The following PTPRD variants were observed in gnomAD, a reference collection of about 807,000 sequenced individuals.
PTPRD encodes the protein receptor-type tyrosine-protein phosphatase delta.
PTPRD carries 34 observed loss-of-function variants against 214.5 expected under a neutral mutation model. The ratio of observed to expected loss-of-function variants is 0.16; its 90% confidence interval spans 0.12 to 0.21. PTPRD has a LOEUF of 0.21. Among genes scored for constraint, PTPRD ranks in the 10% least tolerant of loss-of-function variants. The probability of loss-of-function intolerance (pLI) is 1.00; values close to 1 mark genes in which losing one functional copy is unlikely to be tolerated. For missense variants in PTPRD, 2,545 were observed against 2,398.7 expected (o/e 1.06, Z -1.27); for synonymous variants, 1,128 against 845.7 (o/e 1.33, Z -5.79).
At chr9:8,803,834 G>A (rs928940810) in intron 11 of PTPRD, among the ~76,000 whole-genome samples, 2 of 151,690 alleles carry the variant, frequency 1.3e-5, no homozygotes, top group African/African-American at 4.8e-5. Flanking sequence ...AAAGCCTATT[G>A]CCAAAAAGCC....
At chr9:8,898,331 G>T (rs933009499) in intron 11 of PTPRD, among the ~76,000 whole-genome samples, 2 of 152,118 alleles carry the variant, frequency 1.3e-5, no homozygotes, top group African/African-American at 4.8e-5. Context: ...AAGAGTTGGG[G>T]ATAGAGGGGA....
At position 8,437,108 on chromosome 9, in the gene PTPRD, A is replaced by C. The variant is rs878905935; in HGVS notation, c.3989-419T>G. On this transcript the variant is annotated intron_variant, in intron 34 of 45. Transcript: ENST00000381196. ...ATTAAATGGTGTAAAGTGAAATAAG[A>C]AAACAGACACTGAGAAAGGCCTAAA... 5 of 896,740 alleles carry C rather than the reference A, an allele frequency of 5.6e-6. No individual in the cohort carries two copies. In the South Asian group the frequency reaches 6.7e-5, roughly 12 times the overall value. The allele number at this position is 896,740 out of a possible 1,614,324, so 55.5% of individuals were successfully genotyped here.
intron 8 of PTPRD, among the ~76,000 whole-genome samples, chr9:9,574,328 C>T (rs781061689): frequency 6.6e-6 from 1 of 151,906 alleles, no homozygotes; most frequent in African/African-American, 2.4e-5. Context: ...TAACATCATG[C>T]TTCATGGGGA....
intron 9 of PTPRD, among the ~76,000 whole-genome samples, chr9:9,331,894 C>T (rs1246820555): frequency 6.6e-6 from 1 of 151,936 alleles, no homozygotes; most frequent in Non-Finnish European, 1.5e-5. Flanking sequence ...CCCAACATAG[C>T]AAATTCTGGG....
chr9:9,091,425 A>T (rs537228021), intron 10 of PTPRD, among the ~76,000 whole-genome samples: 1 of 152,362 alleles, frequency 6.6e-6, no homozygotes, highest in East Asian at 1.9e-4. Flanking sequence ...CCTTTAAAAA[A>T]TACCTTGTTA....
At position 9,367,504 on chromosome 9, in the gene PTPRD, T is replaced by G. The variant is rs1353043726; in HGVS notation, c.-203+29945A>C. Among the ~76,000 whole-genome samples the G allele has an allele frequency of 5.9e-5, 9 of 151,622 alleles. No homozygotes were observed. In the Admixed American group the frequency reaches 5.9e-4, roughly 10 times the overall value. ...AAAGTTACAAATGAAATACATAAAT[T>G]TGATAACAACTTTGGATGTTTTTCC... On this transcript the variant is annotated intron_variant, in intron 9 of 45. Coordinates refer to ENST00000381196, the MANE Select transcript of PTPRD (RefSeq NM_002839.4).
At chr9:10,150,872 A>T (rs909909363) in intron 3 of PTPRD, among the ~76,000 whole-genome samples, 1 of 151,988 alleles carries the variant, frequency 6.6e-6, no homozygotes, top group Non-Finnish European at 1.5e-5. Flanking sequence ...GTTCAATAAA[A>T]ATTTTATAGT....
chr9:8,911,440 T>TGTGTGAGAGA (rs1171435442), intron 11 of PTPRD, among the ~76,000 whole-genome samples: 1 of 149,014 alleles, frequency 6.7e-6, no homozygotes, highest in African/African-American at 2.5e-5. Flanking sequence ...TGTGTGTGTG[T>TGTGTGAGAGA]GAGAGAGAGA....
At chr9:10,150,059 C>T (rs1190405104) in intron 3 of PTPRD, among the ~76,000 whole-genome samples, 1 of 152,020 alleles carries the variant, frequency 6.6e-6, no homozygotes, top group Admixed American at 6.6e-5. Flanking sequence ...TAAAAATTGT[C>T]AGGAAAAAAG....
At position 8,579,596 on chromosome 9, in the gene PTPRD, CAA is replaced by C. The variant is rs567548247; in HGVS notation, c.353-50819_353-50818del. On this transcript the variant is annotated intron_variant, in intron 14 of 45. Transcript: ENST00000381196. The stretch of plus-strand genomic sequence containing the variant: ...TAAAAGAAGTCACATTCTAGGGGAA[CAA>C]AAGATACATATATAGTTGCAAACCA... 1.4e-4 allele frequency among the ~76,000 whole-genome samples: 22 copies of C among 152,144 alleles called. 1 individual carries two copies. The South Asian group carries it at 4.6e-3, about 32-fold the overall frequency.
intron 5 of PTPRD, among the ~76,000 whole-genome samples, chr9:9,888,200 G>C (rs1013590023): frequency 2.6e-5 from 4 of 152,162 alleles, no homozygotes; most frequent in African/African-American, 9.7e-5. Flanking sequence ...ACAATTCTGA[G>C]ATGTTATGGA....
At chr9:10,580,402 A>G (rs973431514) in intron 2 of PTPRD, among the ~76,000 whole-genome samples, 2 of 152,206 alleles carry the variant, frequency 1.3e-5, no homozygotes, top group Admixed American at 6.5e-5. Flanking sequence ...AATGTAAAGT[A>G]TAAGTCTATG....
chr9:10,310,703 T>C (rs2096245104), intron 3 of PTPRD, among the ~76,000 whole-genome samples: 1 of 152,146 alleles, frequency 6.6e-6, no homozygotes, highest in Non-Finnish European at 1.5e-5. Context: ...TTGTCTCCTT[T>C]TGTTGATAAG....
chr9:9,948,036 A>C (rs1204767560), intron 4 of PTPRD, among the ~76,000 whole-genome samples: 1 of 152,080 alleles, frequency 6.6e-6, no homozygotes. Context: ...AGATAGATGA[A>C]GAAAGGTAAA....
chr9:10,352,498 G>C (rs1369522470), intron 2 of PTPRD, among the ~76,000 whole-genome samples: 1 of 152,030 alleles, frequency 6.6e-6, no homozygotes, highest in African/African-American at 2.4e-5. Flanking sequence ...TTTGCAGACA[G>C]AGCAGTTGAG....
intron 5 of PTPRD, among the ~76,000 whole-genome samples, chr9:9,933,925 C>T (rs1389149835): frequency 6.8e-6 from 1 of 146,348 alleles, no homozygotes; most frequent in South Asian, 2.1e-4. Context: ...TTAAGAATCT[C>T]ACTCAAAGCT....
chr9:9,771,710 C>T (rs915001999), intron 5 of PTPRD, among the ~76,000 whole-genome samples: 3 of 152,170 alleles, frequency 2.0e-5, no homozygotes, highest in Middle Eastern at 3.2e-3. Flanking sequence ...TGATGTGTGA[C>T]GTTTCAATGA....
At chr9:8,473,852 T>C (rs1349308957) in intron 30 of PTPRD, among the ~76,000 whole-genome samples, 1 of 152,168 alleles carries the variant, frequency 6.6e-6, no homozygotes, top group Non-Finnish European at 1.5e-5. Context: ...TCTAGGGCAG[T>C]CAAAGTGAAG....
At chr9:9,654,931 A>G (rs1365768011) in intron 7 of PTPRD, among the ~76,000 whole-genome samples, 1 of 152,174 alleles carries the variant, frequency 6.6e-6, no homozygotes, top group Non-Finnish European at 1.5e-5. Flanking sequence ...TTTTGAAAGT[A>G]AAATATGTGT....
Sources: gnomAD v4.1 joint callset for allele counts (sites outside exome capture counted in the v4.1 genomes callset) on GRCh38, gnomAD v4.1.1 for gene constraint, MANE v1.5 for transcripts, NCBI Gene and HGNC (gene_info 2026-07-23, HGNC 2026-07-21) for gene names.